Variants in GSDMC observed in about 807,000 individuals in gnomAD.
GSDMC encodes gasdermin C.
GSDMC carries 59 observed loss-of-function variants against 58.0 expected under a neutral mutation model. The observed-to-expected ratio is 1.02, with a 90% CI of 0.82 to 1.26. GSDMC has a LOEUF of 1.26. GSDMC is among the 50% of genes most tolerant of loss of function. GSDMC has a pLI of 0.00. For synonymous variants in GSDMC, 241 were observed against 220.2 expected, an observed-to-expected ratio of 1.09 and a Z score of -0.83; for missense variants, 659 against 598.5, an observed-to-expected ratio of 1.10 and a Z score of -1.06.
At chr8:129,707,490 GTTC>G in the GSDMC span, among the ~76,000 whole-genome samples, 1 of 152,002 alleles carries the variant, frequency 6.6e-6, no homozygotes, top group East Asian at 1.9e-4. Context: ...TAATTTTACT[GTTC>G]TTCTTTATAT....
At chr8:129,749,345 C>T (rs2033074211) in intron 13 of GSDMC, 107 bp downstream of exon 13, 3 of 787,118 alleles carry the variant, frequency 3.8e-6, no homozygotes, top group Non-Finnish European at 6.5e-6. Context: ...ATCTGGACTC[C>T]CCTCCCAGCA....
chr8:129,749,223 T>C (rs536226853), intron 13 of GSDMC, among the ~76,000 whole-genome samples: 5 of 152,198 alleles, frequency 3.3e-5, no homozygotes, highest in Non-Finnish European at 5.9e-5. Context: ...TGTTGGGGAA[T>C]GCTGCAGGGA....
At chr8:129,752,546 G>A in intron 7 of GSDMC, 152 bp downstream of exon 7, 2 of 1,243,582 alleles carry the variant, frequency 1.6e-6, no homozygotes, top group South Asian at 1.5e-5. Context: ...TAAGTTCTAA[G>A]CAAAAAAACA....
At chr8:129,750,197 A>C in intron 11 of GSDMC, 78 bp from the exon 12 acceptor site, 1 of 1,232,386 alleles carries the variant, frequency 8.1e-7, no homozygotes, top group Non-Finnish European at 1.1e-6. Context: ...TCTACTGGTG[A>C]TAACCAAGGG....
chr8:129,721,744 T>C, the GSDMC span, among the ~76,000 whole-genome samples: 6 of 152,230 alleles, frequency 3.9e-5, no homozygotes, highest in South Asian at 2.1e-4. Flanking sequence ...CTTTTTCTTA[T>C]GTAATAGCAA....
At chr8:129,771,599 T>C (rs917710129) in intron 3 of GSDMC, among the ~76,000 whole-genome samples, 2 of 151,466 alleles carry the variant, frequency 1.3e-5, no homozygotes, top group South Asian at 2.1e-4. Flanking sequence ...TCAAAAAATA[T>C]CTGAGACAAA....
the GSDMC span, among the ~76,000 whole-genome samples, chr8:129,706,080 C>T: frequency 2.9e-3 from 439 of 152,072 alleles, 3 homozygotes; most frequent in African/African-American, 0.01. Context: ...AATTCCCTTG[C>T]CCTTGGAATG....
At chr8:129,737,607 C>T in the GSDMC span, among the ~76,000 whole-genome samples, 1 of 152,018 alleles carries the variant, frequency 6.6e-6, no homozygotes, top group African/African-American at 2.4e-5. Context: ...ACTGGCTAGT[C>T]ATATGTAAAA....
the GSDMC span, chr8:129,728,864 G>A: frequency 6.3e-6 from 4 of 634,670 alleles, no homozygotes; most frequent in South Asian, 4.5e-5. Flanking sequence ...TGTTCGCCTG[G>A]GGCGGGCTCT....
chr8:129,757,710 A>C (rs755177559), intron 6 of GSDMC, among the ~76,000 whole-genome samples: 1 of 152,148 alleles, frequency 6.6e-6, no homozygotes, highest in Non-Finnish European at 1.5e-5. Context: ...GGTCATTTAC[A>C]GCCAGGTGTC....
At chr8:129,725,784 GC>G in the GSDMC span, among the ~76,000 whole-genome samples, 1 of 152,138 alleles carries the variant, frequency 6.6e-6, no homozygotes, top group Non-Finnish European at 1.5e-5. Context: ...GGAAAATGAA[GC>G]TCAAAGATTT....
chr8:129,783,482 T>C (rs759294092), intron 1 of GSDMC, among the ~76,000 whole-genome samples: 5 of 152,114 alleles, frequency 3.3e-5, no homozygotes, highest in East Asian at 3.9e-4. Context: ...AGAAAGTAAT[T>C]CCATTTACAA....
intron 5 of GSDMC, among the ~76,000 whole-genome samples, chr8:129,760,990 G>A (rs1447455367): frequency 6.6e-6 from 1 of 152,164 alleles, no homozygotes; most frequent in African/African-American, 2.4e-5. Context: ...GAGTGCAAGT[G>A]TTCAACAGGG....
At chr8:129,742,079 T>C in the GSDMC span, among the ~76,000 whole-genome samples, 3 of 150,336 alleles carry the variant, frequency 2.0e-5, no homozygotes, top group South Asian at 6.5e-4. Context: ...ATATGAAAAA[T>C]TTTTAAGTTA....
At chr8:129,725,655 A>C in the GSDMC span, among the ~76,000 whole-genome samples, 3 of 152,194 alleles carry the variant, frequency 2.0e-5, no homozygotes, top group Non-Finnish European at 4.4e-5. Flanking sequence ...CAATATTACT[A>C]TTGCTGTTAG....
At chr8:129,731,674 C>T in the GSDMC span, among the ~76,000 whole-genome samples, 1 of 152,096 alleles carries the variant, frequency 6.6e-6, no homozygotes, top group Non-Finnish European at 1.5e-5. Context: ...TGGATCAAGC[C>T]CACTAACATC....
intron 3 of GSDMC, among the ~76,000 whole-genome samples, chr8:129,771,383 C>T (rs1586608008): frequency 1.3e-5 from 2 of 152,202 alleles, no homozygotes; most frequent in Admixed American, 1.3e-4. Context: ...TTCTCCAGAG[C>T]ACATGGAACA....
the GSDMC span, among the ~76,000 whole-genome samples, chr8:129,728,192 C>T: frequency 2.0e-5 from 3 of 152,186 alleles, no homozygotes; most frequent in African/African-American, 4.8e-5. Flanking sequence ...CCTCACCCCT[C>T]TTGTGCAGAG....
At chr8:129,770,017 G>T (rs576500094) in intron 3 of GSDMC, among the ~76,000 whole-genome samples, 3 of 152,150 alleles carry the variant, frequency 2.0e-5, no homozygotes, top group Admixed American at 6.5e-5. Context: ...TCTAAATGTG[G>T]TATATAAATG....
Sources: gnomAD v4.1 joint callset for allele counts (sites outside exome capture counted in the v4.1 genomes callset) on GRCh38, gnomAD v4.1.1 for gene constraint, MANE v1.5 for transcripts, NCBI Gene and HGNC (gene_info 2026-07-23, HGNC 2026-07-21) for gene names.